Variants in CIZ1 observed in about 807,000 individuals in gnomAD.
CIZ1 encodes the protein CDKN1A interacting zinc finger protein 1.
In CIZ1, 58 loss-of-function variants were observed where a neutral mutation model predicts 118.6. The observed-to-expected ratio is 0.49, with a 90% CI of 0.40 to 0.61. The LOEUF (loss-of-function observed/expected upper bound fraction) is 0.61. Ranked by LOEUF, CIZ1 falls within the 20% of genes least tolerant of loss-of-function variation. CIZ1 has a pLI of 0.00. For missense variants in CIZ1, 921 were observed against 1,115.9 expected, an observed-to-expected ratio of 0.83 and a Z score of 2.49; for synonymous variants, 448 against 443.4, an observed-to-expected ratio of 1.01 and a Z score of -0.13.
intron 2 of CIZ1, 70 bp downstream of exon 2, chr9:128,190,618 G>T (rs1833010812): frequency 6.6e-7 from 1 of 1,512,298 alleles, no homozygotes. Context: ...AAAAGGATGG[G>T]GATCGGGAGC....
intron 8 of CIZ1, 87 bp downstream of exon 8, chr9:128,178,622 C>T: frequency 8.2e-6 from 13 of 1,581,022 alleles, no homozygotes; most frequent in Non-Finnish European, 1.1e-5. Context: ...GCCCTCAGTC[C>T]CAGGCAGCAC....
At chr9:128,171,571 CAAA>C (rs11327796) in intron 11 of CIZ1, among the ~76,000 whole-genome samples, 2 of 111,922 alleles carry the variant, frequency 1.8e-5, no homozygotes, top group African/African-American at 3.0e-5. Context: ...ACTAAGAATA[CAAA>C]AAAAAAAAAA....
chr9:128,180,351 C>G lies in CIZ1; in HGVS notation c.791+64G>C, dbSNP rs1158969649. ...TGCACCCCCTCTGCCATTGCCACCC[C>G]TGCCTTTGCAGGAATGAGAGCACAG... On this transcript the variant is annotated intron_variant, in intron 7 of 16. Transcript: ENST00000372938. 3 of 1,256,498 alleles carry G rather than the reference C, an allele frequency of 2.4e-6. No homozygotes were observed. The South Asian group carries it at 3.7e-5, about 15-fold the overall frequency. 77.8% of individuals were successfully genotyped at this position (1,256,498 alleles called of 1,614,324 possible).
At chr9:128,190,057 C>T (rs1156599280) in intron 3 of CIZ1, among the ~76,000 whole-genome samples, 1 of 152,174 alleles carries the variant, frequency 6.6e-6, no homozygotes, top group African/African-American at 2.4e-5. Flanking sequence ...TGTCAGATGG[C>T]ATCTAATCTG....
chr9:128,169,989 G>A (rs371529600), intron 12 of CIZ1, 31 bp downstream of exon 12: 44 of 1,572,668 alleles, frequency 2.8e-5, no homozygotes, highest in African/African-American at 1.6e-4. Flanking sequence ...ACGGCAGTGC[G>A]GGTGCCTCTG....
chr9:128,179,808 G>A (rs953531608), intron 7 of CIZ1, among the ~76,000 whole-genome samples: 2 of 152,226 alleles, frequency 1.3e-5, no homozygotes, highest in Middle Eastern at 3.4e-3. Context: ...GAGTAGCTGG[G>A]ATTACAGACA....
rs990411829 is a variant in CIZ1 at position 128,166,439 on chromosome 9, C to T, written c.2488-33G>A. On this transcript the variant is annotated intron_variant, in intron 16 of 16. Transcript: ENST00000372938. The surrounding 1 kb of genome is among the most constrained non-coding windows in gnomAD (Gnocchi z 4.4). Reference sequence around the variant, plus strand: ...CAGAAGGTGCAGGTAAGGTCAGGGTCTCCTCCCTACATGGTATGCTCCTGG... The same window carrying T: ...CAGAAGGTGCAGGTAAGGTCAGGGTTTCCTCCCTACATGGTATGCTCCTGG... The T allele has an allele frequency of 1.4e-6, 2 of 1,454,906 alleles. No individual in the cohort carries two copies. The highest frequency in any genetic ancestry group is 2.7e-5 in the South Asian group (2 of 73,986). The allele number at this position is 1,454,906 out of a possible 1,614,324, so 90.1% of individuals were successfully genotyped here.
intron 9 of CIZ1, 142 bp downstream of exon 9, chr9:128,178,227 C>G: frequency 2.9e-6 from 3 of 1,033,078 alleles, no homozygotes; most frequent in Non-Finnish European, 4.2e-6. Flanking sequence ...GTCTGGCCAC[C>G]CATCCTAGGC....
chr9:128,178,286 G>T lies in CIZ1; in HGVS notation c.1620+83C>A, dbSNP rs911820183. 4.1e-6 allele frequency: 6 copies of T among 1,469,366 alleles called. No homozygotes were observed. In the African/African-American group the frequency reaches 8.5e-5, roughly 21 times the overall value. 91.0% of individuals were successfully genotyped at this position (1,469,366 alleles called of 1,614,324 possible). The stretch of plus-strand genomic sequence containing the variant: ...GGTGGGGGAAACACAAGGAGGCCCT[G>T]AGGTGGCCTGGGGCAGAAAGAGGCC... On this transcript the variant is annotated intron_variant, in intron 9 of 16. Transcript: ENST00000372938.
In CIZ1 at chr9:128,191,568, G is replaced by C; in HGVS notation, c.-142C>G. The C allele has an allele frequency of 1.8e-6, 2 of 1,104,202 alleles. No homozygotes were observed. The highest frequency in any genetic ancestry group is 4.4e-5 in the South Asian group (1 of 22,590). The allele number at this position is 1,104,202 out of a possible 1,614,324, so 68.4% of individuals were successfully genotyped here. ...CTGCTACTCCGGGGCCTGTGGGCTC[G>C]TAAGGCCCAAATGCGGGCGGGGCCG... On this transcript the variant is annotated 5_prime_UTR_variant, in exon 1 of 17. Transcript: ENST00000372938. This position sits in a 1 kb window ranked among gnomAD's most constrained non-coding sequence, Gnocchi z 5.5.
rs753772317 is a variant in CIZ1, at chr9:128,178,462, C to T, written c.1527G>A (p.Val509=). The T allele has an allele frequency of 1.9e-6, 3 of 1,614,202 alleles. No homozygotes were observed. Among genetic ancestry groups the T allele is most frequent in the African/African-American group, 2.7e-5 (2 of 75,066 alleles). Residue 509 remains valine, a synonymous_variant, in exon 9 of 17, where the codon GTG becomes GTA. Transcript: ENST00000372938. ...TCTCTTCCATGCTGACTTGGGTGCC[C>T]ACAGGCTCTGGCAAGGTCTTTTCCA... ...GGMEKTLPEP[V]GTQVSMEEIQ...
At position 128,177,677 on chromosome 9, in the gene CIZ1, G is replaced by T; in HGVS notation, c.1707C>A (p.Val569=). 1 of 1,604,020 alleles carries T rather than the reference G, an allele frequency of 6.2e-7. No individual in the cohort carries two copies. Among genetic ancestry groups the T allele is most frequent in the Non-Finnish European group, 8.5e-7 (1 of 1,175,466 alleles). ...AGGAGACGGAGTCACTGGGGCGGGG[G>T]ACAGGTGTCAGGGGTACAGTGCTAA... is the stretch of plus-strand genomic sequence containing the variant. ...RAFSTVPLTP[V]PRPSDSVSST... The change falls in exon 10 of 17, where the codon GTC becomes GTA. Residue 569 remains valine (V), a synonymous_variant. Transcript: ENST00000372938.
chr9:128,188,117 C>CAAA (rs34796767), intron 3 of CIZ1, among the ~76,000 whole-genome samples, 183 bp from the exon 4 acceptor site: 17 of 104,764 alleles, frequency 1.6e-4, no homozygotes, highest in Admixed American at 2.3e-4. Context: ...AAGAAAAAAG[C>CAAA]AAAAAAAAAA....
intron 1 of CIZ1, chr9:128,202,638 C>G (rs1485271825): frequency 6.6e-6 from 1 of 152,182 alleles, no homozygotes; most frequent in Non-Finnish European, 1.5e-5. Flanking sequence ...GAGAACACCC[C>G]CGACTCCTGC....
rs1332187575 is a variant in CIZ1 at position 128,166,613 on chromosome 9, G to A, written c.2487+146C>T. ...ACAATAAGAGCCCAACCCCACCCCA[G>A]CTCTAATTCTCTCCCTGTTGGTGCA... On this transcript the variant is annotated intron_variant, in intron 16 of 16. Coordinates refer to ENST00000372938, the MANE Select transcript of CIZ1 (RefSeq NM_001131016.2). The surrounding 1 kb of genome is among the most constrained non-coding windows in gnomAD (Gnocchi z 4.4). 16 of 1,151,278 alleles carry A rather than the reference G, an allele frequency of 1.4e-5. No individual in the cohort carries two copies. Among genetic ancestry groups the A allele is most frequent in the Non-Finnish European group, 1.9e-5 (15 of 795,410 alleles). 71.3% of individuals were successfully genotyped at this position (1,151,278 alleles called of 1,614,324 possible).
intron 9 of CIZ1, 107 bp downstream of exon 9, chr9:128,178,262 G>A (rs1831121581): frequency 7.4e-7 from 1 of 1,346,998 alleles, no homozygotes; most frequent in Non-Finnish European, 1.0e-6. Flanking sequence ...CCATTTCACG[G>A]TGGGGGAAAC....
In CIZ1 at chr9:128,166,231, G is replaced by A. The variant is rs749514915; in HGVS notation, c.2663C>T (p.Pro888Leu). Reference protein sequence around the residue: ...SKVTARPSQPPLPRRSTRLKT With the variant: ...SKVTARPSQPLLPRRSTRLKT ...GAGGCGGGTTGAGCGCCGAGGTAGTGGGGGCTGGGAGGGTCGAGCCGTCAC... is the reference window on the plus strand; with the variant it reads ...GAGGCGGGTTGAGCGCCGAGGTAGTAGGGGCTGGGAGGGTCGAGCCGTCAC... The change falls in exon 17 of 17, where the codon CCA becomes CTA. Residue 888 changes from proline (P) to leucine (L), a missense_variant. By Grantham distance (98) the Pro-to-Leu change is moderately conservative. Transcript: ENST00000372938. The surrounding 1 kb of genome is among the most constrained non-coding windows in gnomAD (Gnocchi z 4.4). 1.3e-6 allele frequency: 2 copies of A among 1,508,958 alleles called. No individual in the cohort carries two copies. The highest frequency in any genetic ancestry group is 2.7e-5 in the African/African-American group (2 of 72,848). The allele number at this position is 1,508,958 out of a possible 1,614,324, so 93.5% of individuals were successfully genotyped here.
intron 6 of CIZ1, 60 bp from the exon 7 acceptor site, chr9:128,180,583 C>T: frequency 6.8e-7 from 1 of 1,471,382 alleles, no homozygotes; most frequent in South Asian, 1.1e-5. Flanking sequence ...CTCTGACCTC[C>T]AAGAGATGGG....
At chr9:128,167,215 C>T (rs889552362) in intron 14 of CIZ1, 51 bp from the exon 15 acceptor site, 2 of 1,426,218 alleles carry the variant, frequency 1.4e-6, no homozygotes, top group African/African-American at 1.4e-5. Context: ...TTGACACCTC[C>T]CAGACACAGG....
Sources: gnomAD v4.1 joint callset for allele counts (sites outside exome capture counted in the v4.1 genomes callset) on GRCh38, gnomAD v4.1.1 for gene constraint, Gnocchi (gnomAD v3.1) non-coding constraint, MANE v1.5 for transcripts, NCBI Gene and HGNC (gene_info 2026-07-23, HGNC 2026-07-21) for gene names.